The following ARFGEF3 variants were observed in gnomAD, a reference collection of about 807,000 sequenced individuals.
ARFGEF3 encodes brefeldin A-inhibited guanine nucleotide-exchange protein 3.
In ARFGEF3, 96 loss-of-function variants were observed where a neutral mutation model predicts 221.7. The observed-to-expected ratio is 0.43, with a 90% CI of 0.37 to 0.51. The LOEUF (loss-of-function observed/expected upper bound fraction) is 0.51, where lower values mean the gene tolerates loss of function less well. Among genes scored for constraint, ARFGEF3 ranks in the 20% least tolerant of loss-of-function variants. ARFGEF3 has a pLI of 0.00. For synonymous variants in ARFGEF3, 1,145 were observed against 1,126.8 expected, an observed-to-expected ratio of 1.02 and a Z score of -0.32; for missense variants, 2,410 against 2,789.9, an observed-to-expected ratio of 0.86 and a Z score of 3.07.
In ARFGEF3 at chr6:138,312,718, T is replaced by C. The variant is rs191810797; in HGVS notation, c.4201-1077T>C. Among the ~76,000 whole-genome samples, 108 of 150,742 alleles carry C rather than the reference T, an allele frequency of 7.2e-4. 2 individuals carry two copies. The East Asian group carries it at 0.015, about 21-fold the overall frequency. The stretch of plus-strand genomic sequence containing the variant: ...CCTGCCAAGATCCCCCACTTTTTTG[T>C]TTGTTTGTTTGTTTGCACAGTTGCT... On this transcript the variant is annotated intron_variant, in intron 25 of 33. Coordinates refer to ENST00000251691, the MANE Select transcript of ARFGEF3 (RefSeq NM_020340.5).
rs116398420 is a variant in ARFGEF3, at chr6:138,281,420, G to C, written c.2461+1256G>C. Among the ~76,000 whole-genome samples the C allele has an allele frequency of 6.4e-3, 971 of 152,270 alleles. 15 individuals carry two copies. The highest frequency in any genetic ancestry group is 0.022 in the African/African-American group (896 of 41,548). On this transcript the variant is annotated intron_variant, in intron 14 of 33. Transcript: ENST00000251691. ...TTGGGGTCAACTGATCCCATCACCC[G>C]GGTACTGAGTATAGTAGCCAACAGT... is the stretch of plus-strand genomic sequence containing the variant.
intron 32 of ARFGEF3, 53 bp downstream of exon 32, chr6:138,328,195 C>A: frequency 1.3e-6 from 2 of 1,519,192 alleles, no homozygotes; most frequent in Non-Finnish European, 1.8e-6. Context: ...AATGTTCATT[C>A]ACTTCCAGTT....
At chr6:138,219,038 G>T (rs1218116184) in intron 4 of ARFGEF3, among the ~76,000 whole-genome samples, 1 of 152,134 alleles carries the variant, frequency 6.6e-6, no homozygotes. Flanking sequence ...AAAGGCAAGG[G>T]TTTATAATTC....
intron 4 of ARFGEF3, among the ~76,000 whole-genome samples, chr6:138,210,799 G>A (rs9402956): frequency 0.13 from 20,396 of 152,126 alleles, 1,917 homozygotes; most frequent in East Asian, 0.36. Flanking sequence ...AGGAATAGTT[G>A]GTGTCATCCC....
intron 4 of ARFGEF3, among the ~76,000 whole-genome samples, chr6:138,225,699 G>GA (rs1778071793): frequency 6.6e-6 from 1 of 152,154 alleles, no homozygotes; most frequent in Non-Finnish European, 1.5e-5. Context: ...AGCTGGATCA[G>GA]AAAAATGAGA....
At chr6:138,281,025 G>A (rs747572381) in intron 14 of ARFGEF3, among the ~76,000 whole-genome samples, 2 of 152,016 alleles carry the variant, frequency 1.3e-5, no homozygotes, top group Admixed American at 6.6e-5. Context: ...ATTGCAATGG[G>A]AATATGCCCG....
chr6:138,252,371 G>A (rs56864144), intron 8 of ARFGEF3, among the ~76,000 whole-genome samples: 4,417 of 152,290 alleles, frequency 0.029, 246 homozygotes, highest in African/African-American at 0.1. Context: ...GGGCTTTAGA[G>A]CATAATATCA....
chr6:138,207,434 C>T (rs917500702), intron 3 of ARFGEF3, among the ~76,000 whole-genome samples: 11 of 151,982 alleles, frequency 7.2e-5, no homozygotes, highest in African/African-American at 2.2e-4. Context: ...AAAAAAGAGA[C>T]GACAAGTTCA....
chr6:138,181,578 G>A (rs115980792), intron 2 of ARFGEF3, among the ~76,000 whole-genome samples: 212 of 152,238 alleles, frequency 1.4e-3, no homozygotes, highest in East Asian at 4.8e-3. Context: ...AGAGTAGCTG[G>A]AGTTACAGGC....
At chr6:138,225,999 CAT>C (rs1433566975) in intron 4 of ARFGEF3, among the ~76,000 whole-genome samples, 1 of 152,144 alleles carries the variant, frequency 6.6e-6, no homozygotes, top group Non-Finnish European at 1.5e-5. Flanking sequence ...GGCTAGAGGA[CAT>C]AGACAAAGTC....
intron 2 of ARFGEF3, among the ~76,000 whole-genome samples, chr6:138,190,990 C>G (rs1777294099): frequency 6.6e-6 from 1 of 152,098 alleles, no homozygotes; most frequent in Non-Finnish European, 1.5e-5. Flanking sequence ...CAACTGTATT[C>G]ATGGATCCAT....
intron 5 of ARFGEF3, among the ~76,000 whole-genome samples, chr6:138,237,416 G>A (rs902192800): frequency 3.3e-5 from 5 of 152,324 alleles, no homozygotes; most frequent in African/African-American, 1.2e-4. Context: ...CAAATTTACA[G>A]CATGCATTTT....
intron 1 of ARFGEF3, among the ~76,000 whole-genome samples, chr6:138,164,338 A>T (rs1369356817): frequency 6.6e-6 from 1 of 152,210 alleles, no homozygotes; most frequent in Non-Finnish European, 1.5e-5. Context: ...AGTGGCAGTC[A>T]GCTGCAGCAC....
At chr6:138,296,640 A>C (rs1779528288) in intron 20 of ARFGEF3, among the ~76,000 whole-genome samples, 170 bp from the exon 21 acceptor site, 1 of 152,122 alleles carries the variant, frequency 6.6e-6, no homozygotes, top group Non-Finnish European at 1.5e-5. Context: ...GGCCTTGCTA[A>C]GTGAACCACC....
At chr6:138,279,896 T>G in intron 13 of ARFGEF3, 103 bp from the exon 14 acceptor site, 1 of 1,141,030 alleles carries the variant, frequency 8.8e-7, no homozygotes, top group Non-Finnish European at 1.3e-6. Context: ...CAAGCCTTGG[T>G]TTAGTTCAGG....
chr6:138,319,156 C>T lies in ARFGEF3; in HGVS notation c.4475-547C>T, dbSNP rs111357745. On this transcript the variant is annotated intron_variant, in intron 27 of 33. Transcript: ENST00000251691. Reference sequence around the variant, plus strand: ...TTTTTGAGAAGGGATTTCACAATGTCGCCCAAGCTAGTCTTAAACTACTGG... The same window carrying T: ...TTTTTGAGAAGGGATTTCACAATGTTGCCCAAGCTAGTCTTAAACTACTGG... 4.1e-3 allele frequency among the ~76,000 whole-genome samples: 603 copies of T among 145,386 alleles called. 7 individuals are homozygous for T. The highest frequency in any genetic ancestry group is 0.015 in the African/African-American group (578 of 39,668).
At position 138,286,021 on chromosome 6, in the gene ARFGEF3, A is replaced by G. The variant is rs772664978; in HGVS notation, c.2537A>G (p.Gln846Arg). ...ASAATESPFA[Q>R]SRRIDDSTVA... ...GCTGCTACAGAGTCTCCTTTCGCCC[A>G]GAGCAGGAGAATTGATGACTCCACA... Residue 846 changes from glutamine (Q) to arginine (R), a missense_variant, in exon 15 of 34, where the codon CAG (glutamine) becomes CGG (arginine). Gln to Arg is a conservative substitution (Grantham distance 43). Coordinates refer to ENST00000251691, the MANE Select transcript of ARFGEF3 (RefSeq NM_020340.5). 9 of 1,608,204 alleles carry G rather than the reference A, an allele frequency of 5.6e-6. No homozygotes were observed. The highest frequency in any genetic ancestry group is 2.2e-5 in the South Asian group (2 of 91,074).
Position 138,334,965 on chromosome 6 carries a change from C to T in ARFGEF3, c.6119C>T (p.Ala2040Val), listed in dbSNP as rs764438236. ...KKRKQQHNLSAFPKEVKVEKK... is the reference protein window; with the variant it reads ...KKRKQQHNLSVFPKEVKVEKK... Reference sequence around the variant, plus strand: ...AGGAAACAGCAGCACAACCTGTCCGCGTTCCCCAAAGAGGTCAAAGTGGAG... The same window carrying T: ...AGGAAACAGCAGCACAACCTGTCCGTGTTCCCCAAAGAGGTCAAAGTGGAG... The change falls in exon 33 of 34, where the codon GCG becomes GTG. Residue 2040 changes from alanine (A) to valine (V), a missense_variant. This residue lies in a region of ARFGEF3 where 339 missense variants were observed against 334.9 expected (regional missense o/e 1.01). Transcript: ENST00000251691. This position sits in a 1 kb window ranked among gnomAD's most constrained non-coding sequence, Gnocchi z 5.1. The T allele has an allele frequency of 2.6e-5, 42 of 1,586,108 alleles. No individual in the cohort carries two copies. The highest frequency in any genetic ancestry group is 5.4e-5 in the African/African-American group (4 of 74,240).
Position 138,253,958 on chromosome 6 carries a change from G to A in ARFGEF3, c.744G>A (p.Leu248=). 6.3e-7 allele frequency: 1 copy of A among 1,594,560 alleles called. No homozygotes were observed. The highest frequency in any genetic ancestry group is 8.5e-7 in the Non-Finnish European group (1 of 1,171,168). ...GCAGCTCCTCCTCCTCCATGCACCTGCACAGGCGCTTCACGGACCTGATCT... is the reference window on the plus strand; with the variant it reads ...GCAGCTCCTCCTCCTCCATGCACCTACACAGGCGCTTCACGGACCTGATCT... The part of the protein sequence containing the change: ...VLSSSSSSMH[L]HRRFTDLIWK... Residue 248 remains leucine, a synonymous_variant, in exon 9 of 34, where the codon CTG becomes CTA. Coordinates refer to ENST00000251691, the MANE Select transcript of ARFGEF3 (RefSeq NM_020340.5).
Sources: allele counts gnomAD v4.1 joint callset (sites outside exome capture counted in the v4.1 genomes callset), GRCh38; gene constraint gnomAD v4.1.1; regional missense constraint gnomAD v4.1.1; non-coding constraint Gnocchi (gnomAD v3.1); transcripts MANE v1.5; gene names NCBI Gene and HGNC (gene_info 2026-07-23, HGNC 2026-07-21).